Variants in NHS observed in about 807,000 individuals in gnomAD.
NHS encodes NHS actin remodeling regulator.
Under a neutral mutation model 72.5 loss-of-function variants are expected in NHS, and 5 were observed. The observed-to-expected ratio is 0.07, with a 90% CI of 0.04 to 0.14. The LOEUF (loss-of-function observed/expected upper bound fraction) is 0.14, where lower values mean the gene tolerates loss of function less well. NHS is among the 10% of genes least tolerant of loss of function. The probability of loss-of-function intolerance (pLI) is 1.00; values close to 1 mark genes in which losing one functional copy is unlikely to be tolerated. For missense variants in NHS, 1,072 were observed against 1,355.7 expected (o/e 0.79, Z 3.29); for synonymous variants, 464 against 547.7 (o/e 0.85, Z 2.13).
intron 1 of NHS, among the ~76,000 whole-genome samples, chrX:17,536,221 G>A (rs996986053): frequency 1.2e-4 from 14 of 112,059 alleles, no homozygotes; most frequent in Middle Eastern, 4.6e-3. Context: ...CAGGCGTGGT[G>A]GCGGGTGCCT....
At chrX:17,688,135 T>G (rs184539757) in intron 2 of NHS, among the ~76,000 whole-genome samples, 1 of 112,041 alleles carries the variant, frequency 8.9e-6, no homozygotes, top group African/African-American at 3.2e-5. Context: ...TTATTGATAA[T>G]AATATCTATT....
intron 1 of NHS, among the ~76,000 whole-genome samples, chrX:17,541,892 A>G (rs1898573770): frequency 1.8e-5 from 2 of 108,981 alleles, no homozygotes; most frequent in Admixed American, 9.8e-5. Flanking sequence ...GTAAACTCAC[A>G]CTCTAGAGTT....
At chrX:17,688,214 T>G (rs751354208) in intron 2 of NHS, among the ~76,000 whole-genome samples, 1 of 112,137 alleles carries the variant, frequency 8.9e-6, no homozygotes, top group East Asian at 2.8e-4. Context: ...TCTGCACTTG[T>G]CAAAAGCAAG....
intron 1 of NHS, among the ~76,000 whole-genome samples, chrX:17,588,838 T>G (rs1331461720): frequency 1.8e-5 from 2 of 112,061 alleles, no homozygotes; most frequent in Non-Finnish European, 3.8e-5. Flanking sequence ...TCTTATCTCC[T>G]CTATAAAAAT....
intron 1 of NHS, among the ~76,000 whole-genome samples, chrX:17,579,935 C>G (rs1340673239): frequency 9.0e-6 from 1 of 110,817 alleles, no homozygotes; most frequent in Non-Finnish European, 1.9e-5. Context: ...TCTCTACTCT[C>G]CCTCAGAGGG....
intron 1 of NHS, among the ~76,000 whole-genome samples, chrX:17,576,068 T>C (rs946945753): frequency 1.8e-5 from 2 of 111,601 alleles, no homozygotes; most frequent in Non-Finnish European, 3.8e-5. Flanking sequence ...AATAGAGGGA[T>C]ATTAGAAGTT....
intron 1 of NHS, among the ~76,000 whole-genome samples, chrX:17,494,380 T>G (rs1276050950): frequency 8.9e-6 from 1 of 112,013 alleles, no homozygotes. Context: ...TGCCCAGCCC[T>G]GTATGACTCT....
intron 1 of NHS, among the ~76,000 whole-genome samples, chrX:17,640,312 T>G (rs2065874553): frequency 8.9e-6 from 1 of 111,808 alleles, no homozygotes; most frequent in African/African-American, 3.3e-5. Flanking sequence ...TACCGGAAAC[T>G]CCACTCTCCT....
intron 1 of NHS, among the ~76,000 whole-genome samples, chrX:17,620,201 T>C (rs2065766238): frequency 8.9e-6 from 1 of 112,127 alleles, no homozygotes; most frequent in African/African-American, 3.2e-5. Flanking sequence ...ACGTTCATTT[T>C]TAATCAACAG....
chrX:17,561,557 TGCGCGC>T (rs1240571846), intron 1 of NHS, among the ~76,000 whole-genome samples: 1,169 of 76,355 alleles, frequency 0.015, 37 homozygotes, highest in African/African-American at 0.057. Context: ...TGCAAGTGCA[TGCGCGC>T]GCGCGCGCGC....
chrX:17,385,757 T>C (rs1039932433), intron 1 of NHS, among the ~76,000 whole-genome samples: 5 of 112,120 alleles, frequency 4.5e-5, no homozygotes, highest in African/African-American at 1.6e-4. Flanking sequence ...TTTCCATATA[T>C]ATATTTGCTT....
chrX:17,411,883 T>C (rs1052208158), intron 1 of NHS, among the ~76,000 whole-genome samples: 1 of 111,458 alleles, frequency 9.0e-6, no homozygotes. Flanking sequence ...ATCTGTTTTG[T>C]AAGGGGTAAG....
At chrX:17,540,025 T>C (rs1237271942) in intron 1 of NHS, among the ~76,000 whole-genome samples, 1 of 112,363 alleles carries the variant, frequency 8.9e-6, no homozygotes, top group Non-Finnish European at 1.9e-5. Flanking sequence ...AGCAAACCTT[T>C]AATATTGGAG....
At chrX:17,468,685 T>C (rs2064879874) in intron 1 of NHS, among the ~76,000 whole-genome samples, 1 of 109,928 alleles carries the variant, frequency 9.1e-6, no homozygotes, top group South Asian at 4.0e-4. Flanking sequence ...CCCAAATAGC[T>C]GGGACTACAG....
In NHS at chrX:17,726,173, C is replaced by T. The variant is rs776439657; in HGVS notation, c.2067C>T (p.Asp689=). Residue 689 remains aspartate (D), a synonymous_variant, in exon 7 of 9, where the codon GAC becomes GAT. Transcript: ENST00000676302. ...ASVFVTEQYN[D]HLDKVRGHRA... ...TTTTCGTGACAGAGCAATACAATGA[C>T]CACTTGGATAAAGTGAGAGGCCATC... 8.2e-7 allele frequency: 1 copy of T among 1,212,125 alleles called. No individual in the cohort carries two copies. The highest frequency in any genetic ancestry group is 1.8e-5 in the South Asian group (1 of 57,016).
intron 1 of NHS, among the ~76,000 whole-genome samples, chrX:17,682,763 G>A (rs2066137425): frequency 9.0e-6 from 1 of 111,033 alleles, no homozygotes; most frequent in Non-Finnish European, 1.9e-5. Context: ...TAAGCATTTT[G>A]CACTGCTCCC....
At chrX:17,579,576 C>T (rs529661770) in intron 1 of NHS, among the ~76,000 whole-genome samples, 274 of 111,387 alleles carry the variant, frequency 2.5e-3, no homozygotes, top group Non-Finnish European at 4.1e-3. Context: ...TAATGAGGGA[C>T]AGGCGGACAT....
At position 17,423,663 on chromosome X, in the gene NHS, G is replaced by A. The variant is rs150081310; in HGVS notation, c.565+47341G>A. Among the ~76,000 whole-genome samples, 624 of 111,947 alleles carry A rather than the reference G, an allele frequency of 5.6e-3. 9 individuals carry two copies. Among genetic ancestry groups the A allele is most frequent in the African/African-American group, 0.019 (600 of 30,777 alleles). On this transcript the variant is annotated intron_variant, in intron 1 of 8. Transcript: ENST00000676302. The stretch of plus-strand genomic sequence containing the variant: ...CTATCTGTCACTGGGTTTTATGCCT[G>A]TGTTCAAAATATTCCATTTCTCCAT...
At chrX:17,704,759 G>T (rs767740876) in intron 3 of NHS, among the ~76,000 whole-genome samples, 2 of 111,912 alleles carry the variant, frequency 1.8e-5, no homozygotes, top group East Asian at 5.7e-4. Flanking sequence ...ATGAGTGAAC[G>T]TAAATAAAAA....
Sources: gnomAD v4.1 joint callset for allele counts (sites outside exome capture counted in the v4.1 genomes callset) on GRCh38, gnomAD v4.1.1 for gene constraint, MANE v1.5 for transcripts, NCBI Gene and HGNC (gene_info 2026-07-23, HGNC 2026-07-21) for gene names.